The following ARHGEF28 variants were observed in gnomAD, a reference collection of about 807,000 sequenced individuals.
The protein encoded by ARHGEF28 is 190 kDa guanine nucleotide exchange factor.
ARHGEF28 carries 152 observed loss-of-function variants against 206.6 expected under a neutral mutation model. That is an observed-to-expected ratio of 0.74 (90% CI 0.64 to 0.84). ARHGEF28 has a LOEUF of 0.84. ARHGEF28 is among the 40% of genes least tolerant of loss of function. The probability of loss-of-function intolerance (pLI) is 0.00; values close to 1 mark genes in which losing one functional copy is unlikely to be tolerated. For missense variants in ARHGEF28, 2,028 were observed against 2,073.2 expected (o/e 0.98, Z 0.42); for synonymous variants, 763 against 776.4 (o/e 0.98, Z 0.29).
At position 73,928,459 on chromosome 5, in the gene ARHGEF28, G is replaced by A. The variant is rs564310480; in HGVS notation, c.4949-12385G>A. 3.3e-5 allele frequency among the ~76,000 whole-genome samples: 5 copies of A among 152,228 alleles called. No homozygotes were observed. In the South Asian group the frequency reaches 1.0e-3, roughly 32 times the overall value. On this transcript the variant is annotated intron_variant, in intron 35 of 35. Transcript: ENST00000513042. ...AAAAATTAAAAATTAAAAAGAATTG[G>A]TTGCCAATTTTTAAGAAGTCTGGTA... is the stretch of plus-strand genomic sequence containing the variant.
intron 2 of ARHGEF28, among the ~76,000 whole-genome samples, chr5:73,689,109 A>G (rs1011581126): frequency 1.3e-5 from 2 of 152,150 alleles, no homozygotes; most frequent in Non-Finnish European, 2.9e-5. Context: ...TTATAGAGAT[A>G]ATCTTTTACA....
intron 2 of ARHGEF28, among the ~76,000 whole-genome samples, chr5:73,713,681 A>G (rs1042309728): frequency 3.2e-4 from 48 of 152,198 alleles, no homozygotes; most frequent in African/African-American, 8.9e-4. Context: ...AGGTCACTAA[A>G]GGGTAGGCTA....
At chr5:73,690,376 A>G (rs1190696064) in intron 2 of ARHGEF28, among the ~76,000 whole-genome samples, 3 of 152,002 alleles carry the variant, frequency 2.0e-5, no homozygotes, top group Non-Finnish European at 2.9e-5. Flanking sequence ...TTTATCCAAG[A>G]GCTCCTTTTT....
intron 2 of ARHGEF28, among the ~76,000 whole-genome samples, chr5:73,697,903 T>G (rs1748324246): frequency 6.6e-6 from 1 of 152,226 alleles, no homozygotes; most frequent in Non-Finnish European, 1.5e-5. Context: ...TTGCCCCATG[T>G]GCATTTGTAT....
chr5:73,736,543 G>C (rs72770849), intron 2 of ARHGEF28, among the ~76,000 whole-genome samples: 31,927 of 152,112 alleles, frequency 0.21, 3,500 homozygotes, highest in Non-Finnish European at 0.23. Flanking sequence ...GCACAGTACT[G>C]TTAATTAAAA....
chr5:73,762,133 G>T (rs1235493209), intron 4 of ARHGEF28, among the ~76,000 whole-genome samples: 1 of 151,602 alleles, frequency 6.6e-6, no homozygotes, highest in Non-Finnish European at 1.5e-5. Flanking sequence ...CACCTGGCTG[G>T]TTCTATCTTT....
intron 25 of ARHGEF28, among the ~76,000 whole-genome samples, chr5:73,886,992 C>A (rs1761341824): frequency 6.6e-6 from 1 of 152,142 alleles, no homozygotes; most frequent in African/African-American, 2.4e-5. Context: ...ATGGAGGTTG[C>A]AACTAATATC....
At chr5:73,825,824 G>A (rs1756874631) in intron 9 of ARHGEF28, among the ~76,000 whole-genome samples, 1 of 152,158 alleles carries the variant, frequency 6.6e-6, no homozygotes, top group Non-Finnish European at 1.5e-5. Context: ...CAAGAGTTCA[G>A]CTTTGGACCT....
chr5:73,909,633 G>C lies in ARHGEF28; in HGVS notation c.4383G>C (p.Gln1461His), dbSNP rs1762762674. 1 of 1,549,602 alleles carries C rather than the reference G, an allele frequency of 6.5e-7. No homozygotes were observed. Among genetic ancestry groups the C allele is most frequent in the Non-Finnish European group, 8.7e-7 (1 of 1,146,772 alleles). Residue 1461 changes from glutamine (Q) to histidine (H), a missense_variant, in exon 34 of 36, where the codon CAG (glutamine) becomes CAC (histidine). Coordinates refer to ENST00000513042, the MANE Select transcript of ARHGEF28 (RefSeq NM_001177693.2). ...QRRWLRRCEQQQRAQATRESW... is the reference protein window; with the variant it reads ...QRRWLRRCEQHQRAQATRESW... ...GCTGGCTGCGCAGGTGTGAGCAGCA[G>C]CAGCGGGCGCAGGCGACCAGGGAGA... is the stretch of plus-strand genomic sequence containing the variant.
intron 4 of ARHGEF28, among the ~76,000 whole-genome samples, chr5:73,760,131 T>G (rs1461534074): frequency 2.6e-5 from 4 of 152,192 alleles, no homozygotes. Context: ...GCAAACTGAT[T>G]TATAAGACTT....
At chr5:73,741,379 GTGTGTGTATATATATA>G (rs1751396418) in intron 2 of ARHGEF28, among the ~76,000 whole-genome samples, 6 of 37,650 alleles carry the variant, frequency 1.6e-4, no homozygotes, top group African/African-American at 7.1e-4. Flanking sequence ...GTGTGTGTGT[GTGTGTGTATATATATA>G]TATATATATA....
intron 35 of ARHGEF28, among the ~76,000 whole-genome samples, chr5:73,914,821 G>A (rs1763116505): frequency 6.6e-6 from 1 of 152,058 alleles, no homozygotes; most frequent in African/African-American, 2.4e-5. Context: ...CACCTCCTGG[G>A]CTCCATCCAC....
Position 73,744,332 on chromosome 5 carries a change from T to A in ARHGEF28, c.34-5505T>A, listed in dbSNP as rs1192846797. On this transcript the variant is annotated intron_variant, in intron 2 of 35. Transcript: ENST00000513042. ...TGTACTTGAGAAATTGTGAAGAGGA[T>A]AACCTAACTTGGGGGTTGGGGCAGA... is the stretch of plus-strand genomic sequence containing the variant. 3.3e-5 allele frequency among the ~76,000 whole-genome samples: 5 copies of A among 152,148 alleles called. No individual in the cohort carries two copies. In the East Asian group the frequency reaches 9.6e-4, roughly 29 times the overall value.
chr5:73,801,564 CAT>C (rs980479857), intron 9 of ARHGEF28, among the ~76,000 whole-genome samples: 159 of 152,270 alleles, frequency 1.0e-3, no homozygotes, highest in African/African-American at 3.4e-3. Context: ...TTTAATAACA[CAT>C]GTGTATCTAG....
chr5:73,920,545 GTTTTTTTTTT>G (rs756699052), intron 35 of ARHGEF28, among the ~76,000 whole-genome samples: 1 of 110,540 alleles, frequency 9.0e-6, no homozygotes, highest in South Asian at 3.5e-4. Context: ...CGTCATCTAG[GTTTTTTTTTT>G]TTTTTTTTTT....
chr5:73,761,825 A>T (rs990882120), intron 4 of ARHGEF28, among the ~76,000 whole-genome samples: 17 of 152,002 alleles, frequency 1.1e-4, no homozygotes, highest in Admixed American at 3.9e-4. Flanking sequence ...GAATTTGCTC[A>T]GCTCAAGTTC....
chr5:73,857,594 C>CA (rs1759128667), intron 14 of ARHGEF28, 62 bp from the exon 15 acceptor site: 1 of 1,495,202 alleles, frequency 6.7e-7, no homozygotes, highest in Non-Finnish European at 9.1e-7. Flanking sequence ...CACATACACA[C>CA]ACACGTATAT....
chr5:73,803,221 A>G (rs888675427), intron 9 of ARHGEF28: 7 of 157,188 alleles, frequency 4.5e-5, no homozygotes, highest in East Asian at 1.9e-4. Flanking sequence ...ATGTATACTT[A>G]CTCTGATACT....
intron 11 of ARHGEF28, among the ~76,000 whole-genome samples, chr5:73,845,492 G>A (rs986282721): frequency 1.3e-5 from 2 of 152,032 alleles, no homozygotes; most frequent in Admixed American, 1.3e-4. Context: ...TGAGGGACAG[G>A]GGAGAGAATG....
Sources: gnomAD v4.1 joint callset for allele counts (sites outside exome capture counted in the v4.1 genomes callset) on GRCh38, gnomAD v4.1.1 for gene constraint, MANE v1.5 for transcripts, NCBI Gene and HGNC (gene_info 2026-07-23, HGNC 2026-07-21) for gene names.